The following USP16 variants were observed in gnomAD, a reference collection of about 807,000 sequenced individuals.
The protein encoded by USP16 is ubiquitin specific peptidase 16.
In USP16, 77 loss-of-function variants were observed where a neutral mutation model predicts 95.9. The observed-to-expected ratio is 0.80, with a 90% CI of 0.67 to 0.97. The LOEUF is 0.97. Among genes scored for constraint, USP16 ranks in the 50% least tolerant of loss-of-function variants. USP16 has a pLI of 0.00. For missense variants in USP16, 943 were observed against 959.9 expected, an observed-to-expected ratio of 0.98 and a Z score of 0.23; for synonymous variants, 303 against 318.2, an observed-to-expected ratio of 0.95 and a Z score of 0.51.
intron 1 of USP16, among the ~76,000 whole-genome samples, chr21:29,025,240 C>G (rs924606827): frequency 5.3e-5 from 8 of 152,190 alleles, no homozygotes; most frequent in African/African-American, 1.4e-4. Context: ...CACCTGCTGA[C>G]AAAGTTTTCC....
chr21:29,035,072 A>C, intron 4 of USP16, 132 bp downstream of exon 4: 1 of 780,252 alleles, frequency 1.3e-6, no homozygotes, highest in Non-Finnish European at 2.0e-6. Context: ...TCACTTTCAC[A>C]AAGCTAAAGA....
Position 29,027,977 on chromosome 21 carries a change from A to G in USP16, c.61+3A>G, listed in dbSNP as rs200609671. On this transcript the variant is annotated splice_donor_region_variant and intron_variant, in intron 2 of 17. Coordinates refer to ENST00000399976, the MANE Select transcript of USP16 (RefSeq NM_006447.3). The stretch of plus-strand genomic sequence containing the variant: ...CGATGATTCCTCTGAAACTTTAGGT[A>G]TATTTCATTGATTGAATCTTTAATG... 1.1e-5 allele frequency: 18 copies of G among 1,604,948 alleles called. No homozygotes were observed. Among genetic ancestry groups the G allele is most frequent in the Admixed American group, 3.3e-5 (2 of 59,970 alleles).
intron 13 of USP16, among the ~76,000 whole-genome samples, chr21:29,043,912 A>G (rs577998887): frequency 1.3e-4 from 20 of 152,172 alleles, no homozygotes; most frequent in African/African-American, 4.6e-4. Flanking sequence ...AAGGTAAACA[A>G]TAAGTCCCCC....
chr21:29,039,640 G>C, intron 9 of USP16, 72 bp downstream of exon 9: 2 of 1,414,810 alleles, frequency 1.4e-6, no homozygotes, highest in Non-Finnish European at 1.9e-6. Flanking sequence ...GATATCTTAC[G>C]AGTTAAAACA....
chr21:29,025,266 T>G (rs2084970213), intron 1 of USP16, among the ~76,000 whole-genome samples: 1 of 152,184 alleles, frequency 6.6e-6, no homozygotes. Context: ...CTTACATTTT[T>G]AATGGAACCG....
At chr21:29,024,910 C>G in intron 1 of USP16, 133 bp downstream of exon 1, 1 of 932,838 alleles carries the variant, frequency 1.1e-6, no homozygotes, top group South Asian at 1.7e-5. Flanking sequence ...CGGCTACTTT[C>G]CGGTACTGCG....
At chr21:29,053,010 A>G (rs1454008165) in intron 16 of USP16, 1 of 152,172 alleles carries the variant, frequency 6.6e-6, no homozygotes. Context: ...GAAGTTGAAC[A>G]ATTCTGAGTG....
chr21:29,026,284 C>T (rs188589534), intron 1 of USP16, among the ~76,000 whole-genome samples: 1 of 151,904 alleles, frequency 6.6e-6, no homozygotes, highest in African/African-American at 2.4e-5. Flanking sequence ...GGTGAAACCC[C>T]GTCTCTACTA....
rs766379118 is a variant in USP16, at chr21:29,042,091, A to G, written c.1109A>G (p.Asp370Gly). The change falls in exon 11 of 18, where the codon GAT becomes GGT. Residue 370 changes from aspartate to glycine, a missense_variant. Asp to Gly is a moderately conservative substitution (Grantham distance 94). Coordinates refer to ENST00000399976, the MANE Select transcript of USP16 (RefSeq NM_006447.3). ...GAACTAACTAGTATGATCATGTGTG[A>G]TCAATGCAGAACTGTAAGTAGATGT... The part of the protein sequence containing the change: ...GGELTSMIMC[D>G]QCRTVSLVHE... 3 of 1,613,000 alleles carry G rather than the reference A, an allele frequency of 1.9e-6. No homozygotes were observed. Among genetic ancestry groups the G allele is most frequent in the Non-Finnish European group, 1.7e-6 (2 of 1,179,440 alleles).
At chr21:29,039,208 ATAATAT>A (rs774570091) in intron 8 of USP16, 52 bp downstream of exon 8, 58 of 1,357,956 alleles carry the variant, frequency 4.3e-5, no homozygotes, top group East Asian at 2.3e-4. Flanking sequence ...ATGCTGAGAA[ATAATAT>A]TAATATTAAA....
intron 6 of USP16, 112 bp from the exon 7 acceptor site, chr21:29,038,223 G>C (rs1444888209): frequency 4.5e-6 from 3 of 670,546 alleles, no homozygotes; most frequent in Middle Eastern, 3.9e-4. Context: ...CAAGTATAGA[G>C]TTTTCAGTGT....
intron 14 of USP16, 93 bp from the exon 15 acceptor site, chr21:29,048,668 C>A: frequency 1.0e-6 from 1 of 987,284 alleles, no homozygotes; most frequent in Non-Finnish European, 1.5e-6. Context: ...CTGATCCTTG[C>A]TTTAGATGTT....
chr21:29,036,548 A>C (rs1196717783), intron 5 of USP16, among the ~76,000 whole-genome samples, 174 bp downstream of exon 5: 1 of 152,262 alleles, frequency 6.6e-6, no homozygotes, highest in Non-Finnish European at 1.5e-5. Context: ...GGATATGAGA[A>C]ATGATCTAGT....
At position 29,030,783 on chromosome 21, in the gene USP16, C is replaced by G. The variant is rs774856402; in HGVS notation, c.240+10C>G. ...TAAATGTGGCCATCAGGTATGCTTA[C>G]GTTTTAAGATCAATATGGGATTTTA... On this transcript the variant is annotated intron_variant, in intron 3 of 17. Coordinates refer to ENST00000399976, the MANE Select transcript of USP16 (RefSeq NM_006447.3). 1.3e-6 allele frequency: 2 copies of G among 1,588,888 alleles called. No homozygotes were observed.
At chr21:29,031,145 C>T (rs996622558) in intron 3 of USP16, among the ~76,000 whole-genome samples, 3 of 152,170 alleles carry the variant, frequency 2.0e-5, no homozygotes, top group Non-Finnish European at 4.4e-5. Context: ...GGCAAGGCAG[C>T]TCCCTTTTGT....
intron 1 of USP16, chr21:29,024,992 A>ACCCCGTGGACCCAGAGGTTC: frequency 2.6e-6 from 1 of 378,206 alleles, no homozygotes; most frequent in African/African-American, 2.1e-5. Context: ...GGCCTTCTCG[A>ACCCCGTGGACCCAGAGGTTC]CCCCGTGGAC....
In USP16 at chr21:29,054,388, C is replaced by G; in HGVS notation, c.*201C>G. On this transcript the variant is annotated 3_prime_UTR_variant, in exon 18 of 18. Transcript: ENST00000399976. The stretch of plus-strand genomic sequence containing the variant: ...ATTGTCATAGTGGTTTTTATTCCTG[C>G]TTTGTTTCTGGAAAGGAAATCCTGA... 1 of 700,246 alleles carries G rather than the reference C, an allele frequency of 1.4e-6. No homozygotes were observed. The highest frequency in any genetic ancestry group is 2.3e-5 in the South Asian group (1 of 44,346). The allele number at this position is 700,246 out of a possible 1,614,324, so 43.4% of individuals were successfully genotyped here. A position where few individuals can be genotyped will look rare whatever the true frequency, so the allele number is the denominator to read the frequency against.
At chr21:29,051,602 G>A (rs938085624) in intron 16 of USP16, among the ~76,000 whole-genome samples, 7 of 152,158 alleles carry the variant, frequency 4.6e-5, no homozygotes, top group African/African-American at 1.7e-4. Flanking sequence ...AGGCCGAGGC[G>A]GGTGGATCAC....
intron 9 of USP16, 58 bp downstream of exon 9, chr21:29,039,626 A>C: frequency 5.3e-6 from 8 of 1,515,972 alleles, no homozygotes; most frequent in African/African-American, 1.4e-5. Context: ...TTTCTGTCTC[A>C]TTTGATATCT....
Sources: allele counts gnomAD v4.1 joint callset (sites outside exome capture counted in the v4.1 genomes callset), GRCh38; gene constraint gnomAD v4.1.1; transcripts MANE v1.5; gene names NCBI Gene and HGNC (gene_info 2026-07-23, HGNC 2026-07-21).